Variants in PTPRN2 observed in about 807,000 individuals in gnomAD.
PTPRN2 encodes receptor-type tyrosine-protein phosphatase N2.
Under a neutral mutation model 118.8 loss-of-function variants are expected in PTPRN2, and 74 were observed. That is an observed-to-expected ratio of 0.62 (90% CI 0.52 to 0.76). PTPRN2 has a LOEUF of 0.76. PTPRN2 is among the 30% of genes least tolerant of loss of function. The pLI, the probability that PTPRN2 is intolerant of heterozygous loss-of-function variation, is 0.00. For missense variants in PTPRN2, 1,481 were observed against 1,394.4 expected (o/e 1.06, Z -0.99); for synonymous variants, 641 against 608.0 (o/e 1.05, Z -0.80).
At chr7:157,948,218 T>C (rs1035131431) in intron 11 of PTPRN2, among the ~76,000 whole-genome samples, 2 of 152,224 alleles carry the variant, frequency 1.3e-5, no homozygotes, top group African/African-American at 4.8e-5. Context: ...TTCTATATGA[T>C]TTAAAAGACA....
chr7:158,384,616 A>G (rs982520048), intron 2 of PTPRN2, among the ~76,000 whole-genome samples: 3 of 152,202 alleles, frequency 2.0e-5, no homozygotes, highest in Admixed American at 6.5e-5. Flanking sequence ...GAAACCCTGT[A>G]TTACAGGAGG....
intron 2 of PTPRN2, among the ~76,000 whole-genome samples, chr7:158,363,130 C>G (rs544347149): frequency 6.6e-6 from 1 of 152,262 alleles, no homozygotes; most frequent in South Asian, 2.1e-4. Context: ...GGCCAGATGG[C>G]CAGCACCATG....
intron 12 of PTPRN2, among the ~76,000 whole-genome samples, chr7:157,781,073 C>G (rs755404563): frequency 6.6e-5 from 10 of 152,202 alleles, no homozygotes; most frequent in Non-Finnish European, 1.5e-4. Flanking sequence ...CATGCTCACT[C>G]CCCTCTGCGG....
intron 14 of PTPRN2, among the ~76,000 whole-genome samples, chr7:157,650,243 C>T (rs915206536): frequency 2.0e-5 from 3 of 152,214 alleles, no homozygotes; most frequent in South Asian, 2.1e-4. Flanking sequence ...CAAACCTGCC[C>T]GCCGGAGAGA....
intron 2 of PTPRN2, among the ~76,000 whole-genome samples, chr7:158,341,490 T>G (rs200140037): frequency 0.059 from 3,235 of 54,766 alleles, 87 homozygotes; most frequent in Middle Eastern, 0.14. Flanking sequence ...CTCACCATAA[T>G]TGGTGACACG....
At chr7:158,138,943 C>G (rs1375594461) in intron 6 of PTPRN2, among the ~76,000 whole-genome samples, 3 of 151,466 alleles carry the variant, frequency 2.0e-5, no homozygotes, top group African/African-American at 7.3e-5. Context: ...AGCGCCCTGC[C>G]CAGGACACCC....
At position 158,438,889 on chromosome 7, in the gene PTPRN2, A is replaced by C. The variant is rs1031718675; in HGVS notation, c.163+50846T>G. Among the ~76,000 whole-genome samples, 4 of 152,168 alleles carry C rather than the reference A, an allele frequency of 2.6e-5. No individual in the cohort carries two copies. Among genetic ancestry groups the C allele is most frequent in the Non-Finnish European group, 5.9e-5 (4 of 68,028 alleles). On this transcript the variant is annotated intron_variant, in intron 2 of 22. Coordinates refer to ENST00000389418, the MANE Select transcript of PTPRN2 (RefSeq NM_002847.5). This position sits in a 1 kb window ranked among gnomAD's most constrained non-coding sequence, Gnocchi z 4.7. Reference sequence around the variant, plus strand: ...AATCTCCAGGCTAAAGGGAAAAGTCAAGCTGGGAACTGCTCAGGGCAAACC... The same window carrying C: ...AATCTCCAGGCTAAAGGGAAAAGTCCAGCTGGGAACTGCTCAGGGCAAACC...
Position 157,794,028 on chromosome 7 carries a change from G to A in PTPRN2, c.1788+104645C>T, listed in dbSNP as rs1034904843. On this transcript the variant is annotated intron_variant, in intron 12 of 22. Coordinates refer to ENST00000389418, the MANE Select transcript of PTPRN2 (RefSeq NM_002847.5). This position sits in a 1 kb window ranked among gnomAD's most constrained non-coding sequence, Gnocchi z 5.2. ...ACCCTCCAGGCCACCTTCGGGCCTCGGCAGCACACCTCGAGGGGCCCAGGA... is the reference window on the plus strand; with the variant it reads ...ACCCTCCAGGCCACCTTCGGGCCTCAGCAGCACACCTCGAGGGGCCCAGGA... 2.0e-5 allele frequency among the ~76,000 whole-genome samples: 3 copies of A among 152,122 alleles called. No homozygotes were observed. The highest frequency in any genetic ancestry group is 2.1e-4 in the South Asian group (1 of 4,828).
rs532667738 is a variant in PTPRN2 at position 158,491,543 on chromosome 7, G to A, written c.113-1758C>T. Among the ~76,000 whole-genome samples, 20 of 152,236 alleles carry A rather than the reference G, an allele frequency of 1.3e-4. No homozygotes were observed. In the South Asian group the frequency reaches 4.1e-3, roughly 32 times the overall value. On this transcript the variant is annotated intron_variant, in intron 1 of 22. Transcript: ENST00000389418. The stretch of plus-strand genomic sequence containing the variant: ...TTGCTCTTATCACCCAGGCTGGAGT[G>A]CAATGGAGTGATCTTGGCTCACTGC...
chr7:158,331,159 C>T (rs1240053322), intron 2 of PTPRN2, among the ~76,000 whole-genome samples: 1 of 140,170 alleles, frequency 7.1e-6, no homozygotes, highest in Non-Finnish European at 1.5e-5. Flanking sequence ...TCACTCACAC[C>T]CACACTCTCA....
At chr7:157,725,105 G>T (rs1585311623) in intron 12 of PTPRN2, among the ~76,000 whole-genome samples, 1 of 151,564 alleles carries the variant, frequency 6.6e-6, no homozygotes, top group Non-Finnish European at 1.5e-5. Context: ...GGAAAGGACG[G>T]TTTCCTCAAC....
At chr7:158,275,763 T>C (rs1798919783) in intron 3 of PTPRN2, among the ~76,000 whole-genome samples, 1 of 152,110 alleles carries the variant, frequency 6.6e-6, no homozygotes, top group African/African-American at 2.4e-5. Context: ...AGAGCCGAAC[T>C]CCCAGAAGAA....
At chr7:158,227,864 G>C (rs1195956374) in intron 3 of PTPRN2, among the ~76,000 whole-genome samples, 1 of 152,234 alleles carries the variant, frequency 6.6e-6, no homozygotes, top group African/African-American at 2.4e-5. Flanking sequence ...TCCATTCCTG[G>C]GCTGCTCAAC....
intron 1 of PTPRN2, among the ~76,000 whole-genome samples, chr7:158,511,159 C>A: frequency 6.6e-6 from 1 of 152,314 alleles, no homozygotes; most frequent in Admixed American, 6.5e-5. Context: ...GGCAGTGAAA[C>A]CTCCTCCGTG....
At position 158,374,019 on chromosome 7, in the gene PTPRN2, C is replaced by G. The variant is rs146918354; in HGVS notation, c.164-57087G>C. Among the ~76,000 whole-genome samples the G allele has an allele frequency of 6.1e-3, 926 of 152,358 alleles. 11 individuals are homozygous for G. The highest frequency in any genetic ancestry group is 0.021 in the African/African-American group (888 of 41,586). On this transcript the variant is annotated intron_variant, in intron 2 of 22. Coordinates refer to ENST00000389418, the MANE Select transcript of PTPRN2 (RefSeq NM_002847.5). ...GAGGGAAACGGGCAGAGTGTGATGA[C>G]TGTTCCCACGGTGGCAACACGACGC...
Position 157,861,308 on chromosome 7 carries a change from G to T in PTPRN2, c.1788+37365C>A, listed in dbSNP as rs1309946735. On this transcript the variant is annotated intron_variant, in intron 12 of 22. Transcript: ENST00000389418. This position sits in a 1 kb window ranked among gnomAD's most constrained non-coding sequence, Gnocchi z 5.8. Reference sequence around the variant, plus strand: ...TGGGGAATCCGTGGGAGGATGAGAGGCCTGGATTGCACCGGAAGCACCTCC... The same window carrying T: ...TGGGGAATCCGTGGGAGGATGAGAGTCCTGGATTGCACCGGAAGCACCTCC... 6.6e-6 allele frequency among the ~76,000 whole-genome samples: 1 copy of T among 152,250 alleles called. No individual in the cohort carries two copies. Among genetic ancestry groups the T allele is most frequent in the Non-Finnish European group, 1.5e-5 (1 of 68,044 alleles).
chr7:158,327,362 TTG>T lies in PTPRN2; in HGVS notation c.164-10432_164-10431del, dbSNP rs747699566. ...TCACACATGCTCACACATGTACACA[TTG>T]TCACACACACATTATCACATGCACA... On this transcript the variant is annotated intron_variant, in intron 2 of 22. Coordinates refer to ENST00000389418, the MANE Select transcript of PTPRN2 (RefSeq NM_002847.5). 5.5e-3 allele frequency among the ~76,000 whole-genome samples: 679 copies of T among 122,912 alleles called. 10 individuals carry two copies. Among genetic ancestry groups the T allele is most frequent in the South Asian group, 7.0e-3 (24 of 3,448 alleles). The allele number at this position is 122,912 out of a possible 152,430, so 80.6% of individuals were successfully genotyped here.
chr7:158,162,851 C>T (rs578233950), intron 6 of PTPRN2, among the ~76,000 whole-genome samples: 40 of 152,300 alleles, frequency 2.6e-4, no homozygotes, highest in South Asian at 4.1e-4. Context: ...GGAGCAGGTA[C>T]GCGTGGGTCT....
chr7:157,820,499 T>C (rs551832372), intron 12 of PTPRN2, among the ~76,000 whole-genome samples: 1 of 141,322 alleles, frequency 7.1e-6, no homozygotes, highest in African/African-American at 2.6e-5. Flanking sequence ...TCACAGCAGA[T>C]CCAACACACG....
Sources: allele counts gnomAD v4.1 joint callset (sites outside exome capture counted in the v4.1 genomes callset), GRCh38; gene constraint gnomAD v4.1.1; non-coding constraint Gnocchi (gnomAD v3.1); transcripts MANE v1.5; gene names NCBI Gene and HGNC (gene_info 2026-07-23, HGNC 2026-07-21).